The following SYCP1 variants were observed in gnomAD, a reference collection of about 807,000 sequenced individuals.
The protein encoded by SYCP1 is synaptonemal complex protein 1, also known as cancer/testis antigen 8.
A neutral mutation model predicts 153.1 loss-of-function variants in SYCP1; 64 were observed. That is an observed-to-expected ratio of 0.42 (90% CI 0.34 to 0.51). The LOEUF (loss-of-function observed/expected upper bound fraction) is 0.51, where lower values mean the gene tolerates loss of function less well. Ranked by LOEUF, SYCP1 falls within the 20% of genes least tolerant of loss-of-function variation. The probability of loss-of-function intolerance (pLI) is 0.06; values close to 1 mark genes in which losing one functional copy is unlikely to be tolerated. For missense variants in SYCP1, 997 were observed against 1,049.0 expected (o/e 0.95, Z 0.68); for synonymous variants, 384 against 341.8 (o/e 1.12, Z -1.36).
chr1:114,955,138 T>G (rs1671355549), intron 27 of SYCP1, among the ~76,000 whole-genome samples: 1 of 152,222 alleles, frequency 6.6e-6, no homozygotes, highest in Admixed American at 6.5e-5. Flanking sequence ...TATCAGATGC[T>G]TTTTCTGCAT....
At chr1:114,982,995 T>C (rs201091391) in intron 29 of SYCP1, among the ~76,000 whole-genome samples, 2 of 152,100 alleles carry the variant, frequency 1.3e-5, no homozygotes, top group Non-Finnish European at 2.9e-5. Context: ...TTTTAGCTAA[T>C]GTTTGGACAC....
rs181906706 is a variant in SYCP1 at position 114,927,282 on chromosome 1, A to G, written c.1926+719A>G. Among the ~76,000 whole-genome samples the G allele has an allele frequency of 4.1e-4, 63 of 152,188 alleles. No homozygotes were observed. The East Asian group carries it at 0.011, about 27-fold the overall frequency. The stretch of plus-strand genomic sequence containing the variant: ...ATATATCTTATAATTCAGCTCTTCT[A>G]CTCCTAGGTAGAGTAAGGAGAAAGG... On this transcript the variant is annotated intron_variant, in intron 23 of 31. Transcript: ENST00000369522.
chr1:114,913,969 C>T lies in SYCP1; in HGVS notation c.1648-6C>T. 1.3e-6 allele frequency: 2 copies of T among 1,532,828 alleles called. No homozygotes were observed. Among genetic ancestry groups the T allele is most frequent in the Admixed American group, 2.0e-5 (1 of 49,328 alleles). The allele number at this position is 1,532,828 out of a possible 1,614,324, so 95.0% of individuals were successfully genotyped here. ...ATAATTGATATAAACAACATTATTT[C>T]TTTAGAATAACAAAAAGCAAGAAGA... On this transcript the variant is annotated splice_polypyrimidine_tract_variant and splice_region_variant and intron_variant, in intron 19 of 31. Coordinates refer to ENST00000369522, the MANE Select transcript of SYCP1 (RefSeq NM_003176.4).
chr1:114,910,633 A>C (rs959378362), intron 17 of SYCP1, 132 bp downstream of exon 17: 1 of 525,748 alleles, frequency 1.9e-6, no homozygotes, highest in African/African-American at 2.0e-5. Flanking sequence ...TTATTACATT[A>C]ATATATTTAT....
intron 3 of SYCP1, 74 bp from the exon 4 acceptor site, chr1:114,857,156 AAG>A (rs1553183151): frequency 9.8e-6 from 9 of 919,324 alleles, no homozygotes; most frequent in Admixed American, 3.1e-5. Flanking sequence ...AAAAAAAAAA[AAG>A]AGAAAAAAGA....
intron 15 of SYCP1, among the ~76,000 whole-genome samples, chr1:114,892,963 T>C (rs1666823979): frequency 1.3e-5 from 2 of 152,146 alleles, no homozygotes. Flanking sequence ...ATTCCCTCTA[T>C]GGAGCAATGC....
chr1:114,891,986 T>C (rs569955103), intron 15 of SYCP1, among the ~76,000 whole-genome samples: 1 of 152,286 alleles, frequency 6.6e-6, no homozygotes, highest in African/African-American at 2.4e-5. Flanking sequence ...TGCAATGGAC[T>C]GTGTGGGCCA....
chr1:114,897,191 A>G lies in SYCP1; in HGVS notation c.1320+1682A>G, dbSNP rs1289074658. On this transcript the variant is annotated intron_variant, in intron 16 of 31. Transcript: ENST00000369522. ...AGGATAAGGACAAAGACCAATCTTA[A>G]TTGCTTCCTGCTGACAGGAGGTGCT... Among the ~76,000 whole-genome samples, 2 of 152,150 alleles carry G rather than the reference A, an allele frequency of 1.3e-5. 1 individual carries two copies. The highest frequency in any genetic ancestry group is 2.9e-5 in the Non-Finnish European group (2 of 68,016).
At chr1:114,939,259 C>T (rs1670236067) in intron 23 of SYCP1, among the ~76,000 whole-genome samples, 1 of 152,098 alleles carries the variant, frequency 6.6e-6, no homozygotes, top group Admixed American at 6.5e-5. Flanking sequence ...TAAAACTAAA[C>T]ATGCATCTAC....
At chr1:114,903,067 G>A (rs896471191) in intron 16 of SYCP1, among the ~76,000 whole-genome samples, 1 of 152,132 alleles carries the variant, frequency 6.6e-6, no homozygotes, top group African/African-American at 2.4e-5. Flanking sequence ...TATAATCCCA[G>A]CTACTTGGGA....
chr1:114,866,983 G>A (rs1338626959), intron 8 of SYCP1, among the ~76,000 whole-genome samples: 2 of 150,336 alleles, frequency 1.3e-5, no homozygotes, highest in Non-Finnish European at 3.0e-5. Flanking sequence ...TTTTATAGCT[G>A]TTACTCCTTT....
chr1:114,864,786 C>T (rs1664624219), intron 8 of SYCP1, among the ~76,000 whole-genome samples: 1 of 152,104 alleles, frequency 6.6e-6, no homozygotes, highest in South Asian at 2.1e-4. Context: ...CTGCCCTGGC[C>T]CACATAATTT....
At chr1:114,982,067 C>T (rs1387124564) in intron 29 of SYCP1, among the ~76,000 whole-genome samples, 1 of 152,020 alleles carries the variant, frequency 6.6e-6, no homozygotes, top group Non-Finnish European at 1.5e-5. Flanking sequence ...GGAATTCATA[C>T]AACTTTTCCA....
intron 8 of SYCP1, 45 bp downstream of exon 8, chr1:114,860,854 C>T (rs544744256): frequency 7.1e-7 from 1 of 1,407,042 alleles, no homozygotes; most frequent in East Asian, 2.5e-5. Flanking sequence ...ATTTATTTTA[C>T]TGGTAGAGGT....
At chr1:114,983,947 C>CTGGG (rs201813171) in intron 29 of SYCP1, among the ~76,000 whole-genome samples, 4,768 of 152,042 alleles carry the variant, frequency 0.031, 124 homozygotes, top group Non-Finnish European at 0.042. Context: ...GTTGCCTGGG[C>CTGGG]TGGGCTGCAG....
Position 114,859,733 on chromosome 1 carries a change from T to A in SYCP1, c.457-10T>A. Reference sequence around the variant, plus strand: ...CAAAATGGGATGAACTTTTCTGTTTTATAAATTAGTTTGGAAATGAAAAAG... The same window carrying A: ...CAAAATGGGATGAACTTTTCTGTTTAATAAATTAGTTTGGAAATGAAAAAG... On this transcript the variant is annotated splice_polypyrimidine_tract_variant and intron_variant, in intron 6 of 31. Coordinates refer to ENST00000369522, the MANE Select transcript of SYCP1 (RefSeq NM_003176.4). 1.0e-6 allele frequency: 1 copy of A among 977,346 alleles called. No homozygotes were observed. Among genetic ancestry groups the A allele is most frequent in the Non-Finnish European group, 1.4e-6 (1 of 736,732 alleles). 60.5% of individuals were successfully genotyped at this position (977,346 alleles called of 1,614,324 possible). A position where few individuals can be genotyped will look rare whatever the true frequency, so the allele number is the denominator to read the frequency against.
At chr1:114,989,663 GA>G (rs1166265386) in intron 30 of SYCP1, among the ~76,000 whole-genome samples, 1 of 151,736 alleles carries the variant, frequency 6.6e-6, no homozygotes, top group Non-Finnish European at 1.5e-5. Context: ...TGAAAGAATG[GA>G]AAAAGATATT....
At chr1:114,881,056 T>TATATATACACAC (rs375436670) in intron 12 of SYCP1, among the ~76,000 whole-genome samples, 255 of 145,034 alleles carry the variant, frequency 1.8e-3, no homozygotes, top group African/African-American at 6.1e-3. Flanking sequence ...TTTGTGTATA[T>TATATATACACAC]ACACACACAC....
chr1:114,963,102 A>T (rs1671883010), intron 27 of SYCP1, among the ~76,000 whole-genome samples: 1 of 152,136 alleles, frequency 6.6e-6, no homozygotes, highest in Non-Finnish European at 1.5e-5. Context: ...AGCTCTTAAG[A>T]TTCTTTCCTT....
Sources: allele counts gnomAD v4.1 joint callset (sites outside exome capture counted in the v4.1 genomes callset), GRCh38; gene constraint gnomAD v4.1.1; transcripts MANE v1.5; gene names NCBI Gene and HGNC (gene_info 2026-07-23, HGNC 2026-07-21).